Variants in AKAP6 observed in about 807,000 individuals in gnomAD.
The protein encoded by AKAP6 is A-kinase anchor protein 6.
A neutral mutation model predicts 188.5 loss-of-function variants in AKAP6; 58 were observed. That is an observed-to-expected ratio of 0.31 (90% confidence interval 0.25 to 0.38). AKAP6 has a LOEUF of 0.38. Ranked by LOEUF, AKAP6 falls within the 10% of genes least tolerant of loss-of-function variation. The pLI is 1.00. For missense variants in AKAP6, 2,710 were observed against 2,740.0 expected, an observed-to-expected ratio of 0.99 and a Z score of 0.24; for synonymous variants, 989 against 998.6, an observed-to-expected ratio of 0.99 and a Z score of 0.18.
intron 11 of AKAP6, among the ~76,000 whole-genome samples, chr14:32,762,279 A>C (rs1310652523): frequency 1.3e-5 from 2 of 152,164 alleles, no homozygotes; most frequent in African/African-American, 4.8e-5. Flanking sequence ...TAGTAATGAT[A>C]CAAGCAATCT....
intron 1 of AKAP6, among the ~76,000 whole-genome samples, chr14:32,430,811 T>C (rs571888954): frequency 6.6e-6 from 1 of 152,230 alleles, no homozygotes; most frequent in South Asian, 2.1e-4. Context: ...TTTTTTTAAA[T>C]ATTAAAAATT....
At chr14:32,751,284 A>G (rs938707661) in intron 11 of AKAP6, among the ~76,000 whole-genome samples, 4 of 152,128 alleles carry the variant, frequency 2.6e-5, no homozygotes, top group African/African-American at 9.7e-5. Context: ...CTTGTGTGTC[A>G]GAAAATGTAT....
At chr14:32,617,999 T>C (rs1873401726) in intron 7 of AKAP6, among the ~76,000 whole-genome samples, 1 of 152,100 alleles carries the variant, frequency 6.6e-6, no homozygotes, top group African/African-American at 2.4e-5. Context: ...CTCTTTGAGA[T>C]TACCTAGGAC....
chr14:32,661,583 A>C (rs573847860), intron 7 of AKAP6, among the ~76,000 whole-genome samples: 1 of 152,224 alleles, frequency 6.6e-6, no homozygotes, highest in African/African-American at 2.4e-5. Context: ...TACATACCTT[A>C]CTCAGTAGAC....
intron 1 of AKAP6, among the ~76,000 whole-genome samples, chr14:32,419,832 AT>A (rs1889780215): frequency 6.6e-6 from 1 of 152,128 alleles, no homozygotes; most frequent in South Asian, 2.1e-4. Flanking sequence ...AGCATTTTAA[AT>A]TTAATATCAA....
chr14:32,554,546 T>C (rs1883612588), intron 4 of AKAP6, among the ~76,000 whole-genome samples: 1 of 152,142 alleles, frequency 6.6e-6, no homozygotes, highest in Non-Finnish European at 1.5e-5. Flanking sequence ...TAACTTGGTT[T>C]TCTCCATGAG....
chr14:32,384,629 A>G (rs911197932), intron 1 of AKAP6, among the ~76,000 whole-genome samples: 1 of 152,140 alleles, frequency 6.6e-6, no homozygotes, highest in African/African-American at 2.4e-5. Flanking sequence ...GCTGGTGTTT[A>G]CTTGTGTTAT....
intron 2 of AKAP6, among the ~76,000 whole-genome samples, chr14:32,437,711 C>T (rs1890432612): frequency 1.3e-5 from 2 of 152,046 alleles, no homozygotes; most frequent in African/African-American, 4.8e-5. Flanking sequence ...ATGCTCCTGC[C>T]TCAGCCTCCC....
intron 1 of AKAP6, among the ~76,000 whole-genome samples, chr14:32,383,536 C>T (rs986642582): frequency 6.6e-6 from 1 of 152,142 alleles, no homozygotes; most frequent in Non-Finnish European, 1.5e-5. Flanking sequence ...AGTGACATTA[C>T]AGTGGAGTTA....
At chr14:32,649,000 G>A (rs947993267) in intron 7 of AKAP6, among the ~76,000 whole-genome samples, 6 of 152,098 alleles carry the variant, frequency 3.9e-5, no homozygotes, top group Non-Finnish European at 5.9e-5. Flanking sequence ...ACCAAGGTAA[G>A]CATAAATGGA....
intron 2 of AKAP6, among the ~76,000 whole-genome samples, chr14:32,442,092 C>T (rs1890594337): frequency 1.3e-5 from 2 of 152,198 alleles, no homozygotes; most frequent in South Asian, 4.1e-4. Flanking sequence ...TGAGAGTTTT[C>T]ATTTCAATTG....
rs1325231755 is a variant in AKAP6 at position 32,833,828 on chromosome 14, C to CT, written c.*4029dup. 6 of 151,994 alleles carry CT rather than the reference C, an allele frequency of 3.9e-5. No homozygotes were observed. Among genetic ancestry groups the CT allele is most frequent in the Non-Finnish European group, 5.9e-5 (4 of 67,978 alleles). The allele number at this position is 151,994 out of a possible 1,614,324, so 9.4% of individuals were successfully genotyped here. On this transcript the variant is annotated 3_prime_UTR_variant, in exon 14 of 14. Coordinates refer to ENST00000280979, the MANE Select transcript of AKAP6 (RefSeq NM_004274.5). ...ACCGCTATATTTTTTTCTACATATT[C>CT]TTTTTTCAATTTTCATTTTGAAAAA...
At chr14:32,613,506 A>G (rs959372529) in intron 7 of AKAP6, among the ~76,000 whole-genome samples, 1 of 152,116 alleles carries the variant, frequency 6.6e-6, no homozygotes, top group Non-Finnish European at 1.5e-5. Context: ...CCTCTGTCTC[A>G]TTTCTTTTCT....
At chr14:32,386,673 C>T (rs1888545581) in intron 1 of AKAP6, among the ~76,000 whole-genome samples, 1 of 152,070 alleles carries the variant, frequency 6.6e-6, no homozygotes, top group African/African-American at 2.4e-5. Flanking sequence ...GTCATGAAAT[C>T]CTTGCCTAAG....
At chr14:32,659,051 T>G (rs1196109348) in intron 7 of AKAP6, among the ~76,000 whole-genome samples, 1 of 152,110 alleles carries the variant, frequency 6.6e-6, no homozygotes, top group East Asian at 1.9e-4. Context: ...GACACTAGCA[T>G]GTTTTGTAAG....
intron 2 of AKAP6, among the ~76,000 whole-genome samples, chr14:32,453,603 T>C (rs1306519642): frequency 2.8e-5 from 1 of 36,054 alleles, no homozygotes; most frequent in East Asian, 4.1e-4. Context: ...TTTTTTTTTT[T>C]TTTTTTTTTT....
chr14:32,411,656 A>T (rs750658288), intron 1 of AKAP6, among the ~76,000 whole-genome samples: 2 of 152,068 alleles, frequency 1.3e-5, no homozygotes, highest in Non-Finnish European at 2.9e-5. Flanking sequence ...TGGGGGCTCT[A>T]CCTATAAATT....
At chr14:32,517,644 G>A (rs1166306546) in intron 2 of AKAP6, among the ~76,000 whole-genome samples, 1 of 152,244 alleles carries the variant, frequency 6.6e-6, no homozygotes, top group East Asian at 1.9e-4. Flanking sequence ...GCAAGGCTGG[G>A]GGAGGGGCGT....
intron 1 of AKAP6, among the ~76,000 whole-genome samples, chr14:32,401,753 C>G (rs939759679): frequency 7.9e-5 from 12 of 152,206 alleles, no homozygotes; most frequent in Non-Finnish European, 1.8e-4. Flanking sequence ...ATTTCCCAAT[C>G]AAGTCAACAT....
Sources: gnomAD v4.1 joint callset for allele counts (sites outside exome capture counted in the v4.1 genomes callset) on GRCh38, gnomAD v4.1.1 for gene constraint, MANE v1.5 for transcripts, NCBI Gene and HGNC (gene_info 2026-07-23, HGNC 2026-07-21) for gene names.